Variants in SHB observed in about 807,000 individuals in gnomAD.
SHB encodes the protein SH2 domain containing adaptor protein B.
SHB carries 20 observed loss-of-function variants against 52.3 expected under a neutral mutation model. That is an observed-to-expected ratio of 0.38 (90% CI 0.27 to 0.56). The LOEUF (loss-of-function observed/expected upper bound fraction) is 0.56. SHB is among the 20% of genes least tolerant of loss of function. The pLI, the probability that SHB is intolerant of heterozygous loss-of-function variation, is 0.71. For missense variants in SHB, 825 were observed against 723.3 expected (o/e 1.14, Z -1.61); for synonymous variants, 397 against 316.5 (o/e 1.25, Z -2.70).
chr9:38,027,023 A>G (rs949808222), intron 1 of SHB, among the ~76,000 whole-genome samples: 1 of 152,174 alleles, frequency 6.6e-6, no homozygotes, highest in Admixed American at 6.5e-5. Context: ...GGGTGAGTAA[A>G]TGCCTGGGTG....
chr9:38,005,723 C>T (rs1472022753), intron 2 of SHB, among the ~76,000 whole-genome samples: 2 of 152,216 alleles, frequency 1.3e-5, no homozygotes, highest in South Asian at 2.1e-4. Flanking sequence ...CTGAGCCCTA[C>T]TTAGAGGAGA....
chr9:37,995,190 G>A (rs540162473), intron 2 of SHB, among the ~76,000 whole-genome samples: 4 of 152,212 alleles, frequency 2.6e-5, no homozygotes, highest in South Asian at 2.1e-4. Flanking sequence ...ACACAGACAC[G>A]CACTTCAGAT....
At chr9:38,034,370 G>A (rs554421295) in intron 1 of SHB, among the ~76,000 whole-genome samples, 1 of 152,312 alleles carries the variant, frequency 6.6e-6, no homozygotes, top group East Asian at 1.9e-4. Flanking sequence ...ATGATGTTAT[G>A]ATCCACCATG....
At chr9:38,059,366 C>T (rs539425406) in intron 1 of SHB, among the ~76,000 whole-genome samples, 3 of 152,214 alleles carry the variant, frequency 2.0e-5, no homozygotes, top group Non-Finnish European at 4.4e-5. Context: ...CTAATTCTCT[C>T]TCCATCCCCT....
chr9:37,960,433 C>A lies in SHB; in HGVS notation c.1055-4379G>T, dbSNP rs75461136. On this transcript the variant is annotated intron_variant, in intron 3 of 5. Transcript: ENST00000377707. ...AATGACAGAACCTAATTAATTTCAC[C>A]TATGGGCAATTAAAAATGGAAGTTG... Among the ~76,000 whole-genome samples the A allele has an allele frequency of 3.5e-3, 528 of 152,264 alleles. 5 individuals are homozygous for A. Among genetic ancestry groups the A allele is most frequent in the African/African-American group, 0.012 (502 of 41,536 alleles).
Position 37,974,641 on chromosome 9 carries a change from G to A in SHB, c.1035C>T (p.Val345=). 1.1e-5 allele frequency: 18 copies of A among 1,613,016 alleles called. No homozygotes were observed. Among genetic ancestry groups the A allele is most frequent in the Non-Finnish European group, 1.4e-5 (17 of 1,179,856 alleles). ...EYDQPWEWNR[V]TIPALAAQFN... is the part of the protein sequence containing the mutation. ...CCTTACCTGCCAGGGCTGGGATGGT[G>A]ACCCGGTTCCACTCCCAAGGCTGGT... The change falls in exon 3 of 6, where the codon GTC becomes GTT. Residue 345 remains valine (V), a synonymous_variant. Transcript: ENST00000377707.
chr9:38,019,130 T>C (rs1239633323), intron 1 of SHB, among the ~76,000 whole-genome samples: 1 of 152,164 alleles, frequency 6.6e-6, no homozygotes, highest in Non-Finnish European at 1.5e-5. Context: ...AGCTGAGCAG[T>C]AGCAGAAAAA....
chr9:37,920,164 C>G (rs1249043920), intron 5 of SHB, among the ~76,000 whole-genome samples, 160 bp from the exon 6 acceptor site: 1 of 152,096 alleles, frequency 6.6e-6, no homozygotes, highest in Admixed American at 6.5e-5. Context: ...AGATGAAATG[C>G]AGCTGCACCC....
chr9:37,996,530 C>T (rs1200151712), intron 2 of SHB, among the ~76,000 whole-genome samples: 1 of 152,218 alleles, frequency 6.6e-6, no homozygotes, highest in East Asian at 1.9e-4. Flanking sequence ...ATTCAATGAA[C>T]ACTTAGATGA....
At chr9:38,050,412 A>G (rs969100618) in intron 1 of SHB, among the ~76,000 whole-genome samples, 2 of 152,228 alleles carry the variant, frequency 1.3e-5, no homozygotes, top group African/African-American at 4.8e-5. Flanking sequence ...TAGATTTCAC[A>G]TTCAAACCTA....
intron 5 of SHB, among the ~76,000 whole-genome samples, chr9:37,945,221 T>C (rs1214274924): frequency 6.6e-6 from 1 of 152,294 alleles, no homozygotes; most frequent in East Asian, 1.9e-4. Context: ...CCTGACAGTG[T>C]CAAGAATGCC....
intron 2 of SHB, among the ~76,000 whole-genome samples, 182 bp downstream of exon 2, chr9:38,015,829 T>C (rs1821202856): frequency 6.6e-6 from 1 of 152,208 alleles, no homozygotes. Context: ...TTTCCTAATA[T>C]AGGTGAAACA....
intron 1 of SHB, among the ~76,000 whole-genome samples, chr9:38,018,746 C>G (rs1821248072): frequency 1.3e-5 from 2 of 152,178 alleles, no homozygotes; most frequent in South Asian, 2.1e-4. Context: ...GTTGAGCAGG[C>G]AGTCAACCAG....
intron 1 of SHB, among the ~76,000 whole-genome samples, chr9:38,017,805 G>C (rs1821233902): frequency 6.6e-6 from 1 of 152,242 alleles, no homozygotes; most frequent in Non-Finnish European, 1.5e-5. Context: ...AATGACACCA[G>C]GCCAGGGAAA....
At chr9:37,927,950 C>CT (rs537078307) in intron 5 of SHB, among the ~76,000 whole-genome samples, 1,818 of 145,276 alleles carry the variant, frequency 0.013, 8 homozygotes, top group African/African-American at 0.02. Flanking sequence ...CTCTTTCTCT[C>CT]TTTTTTTTTT....
At chr9:38,016,469 G>A (rs1004355824) in intron 1 of SHB, among the ~76,000 whole-genome samples, 2 of 152,214 alleles carry the variant, frequency 1.3e-5, no homozygotes, top group African/African-American at 4.8e-5. Context: ...GGGAATGTGA[G>A]TTGCTCGGTT....
intron 1 of SHB, among the ~76,000 whole-genome samples, chr9:38,061,155 T>C (rs1354812459): frequency 1.3e-5 from 2 of 151,862 alleles, no homozygotes; most frequent in Non-Finnish European, 2.9e-5. Context: ...AATAAAAAAA[T>C]ACAAACATTA....
rs1484607904 is a variant in SHB, at chr9:37,917,613, T to C, written c.*2208A>G. On this transcript the variant is annotated 3_prime_UTR_variant, in exon 6 of 6. Coordinates refer to ENST00000377707, the MANE Select transcript of SHB (RefSeq NM_003028.3). ...CTTGGGCCTCCTCTGAGAATAAGCC[T>C]TGGGGTCCAGGCTCCTCTGTTTGGC... Among the ~76,000 whole-genome samples, 2 of 152,204 alleles carry C rather than the reference T, an allele frequency of 1.3e-5. No individual in the cohort carries two copies. Among genetic ancestry groups the C allele is most frequent in the African/African-American group, 4.8e-5 (2 of 41,446 alleles).
rs368248621 is a variant in SHB, at chr9:38,046,087, C to T, written c.717+21842G>A. Among the ~76,000 whole-genome samples, 9 of 151,978 alleles carry T rather than the reference C, an allele frequency of 5.9e-5. No homozygotes were observed. The East Asian group carries it at 7.8e-4, about 13-fold the overall frequency. The stretch of plus-strand genomic sequence containing the variant: ...ACTAAAAATACGAAAATTAGCCAGG[C>T]GTGGTGGTGTGTGCCTGTAATCCCA... On this transcript the variant is annotated intron_variant, in intron 1 of 5. Transcript: ENST00000377707.
Sources: gnomAD v4.1 joint callset for allele counts (sites outside exome capture counted in the v4.1 genomes callset) on GRCh38, gnomAD v4.1.1 for gene constraint, MANE v1.5 for transcripts, NCBI Gene and HGNC (gene_info 2026-07-23, HGNC 2026-07-21) for gene names.